The following SMIM10L3 variants were observed in gnomAD, a reference collection of about 807,000 sequenced individuals.
The protein encoded by SMIM10L3 is salivary gland specific protein SAGSIN1.
At chr7:6,343,439 T>C in the SMIM10L3 span, among the ~76,000 whole-genome samples, 1 of 106,038 alleles carries the variant, frequency 9.4e-6, no homozygotes, top group Admixed American at 1.0e-4. Context: ...TATATATATA[T>C]ATATATGATC....
the SMIM10L3 span, chr7:6,348,472 A>C: frequency 2.5e-6 from 1 of 405,432 alleles, no homozygotes; most frequent in Non-Finnish European, 4.4e-6. Flanking sequence ...CTTGACATAC[A>C]CTCAGCTTCT....
chr7:6,347,883 T>TTTTTTATTATTATTATTA, the SMIM10L3 span, among the ~76,000 whole-genome samples: 1 of 131,538 alleles, frequency 7.6e-6, no homozygotes, highest in South Asian at 2.6e-4. Flanking sequence ...ACGAGACCCC[T>TTTTTTATTATTATTATTA]TTATTATTAT....
chr7:6,339,042 C>G, the SMIM10L3 span, among the ~76,000 whole-genome samples: 5 of 152,226 alleles, frequency 3.3e-5, no homozygotes, highest in East Asian at 9.7e-4. Flanking sequence ...GAAACAAACC[C>G]CCGGATTTCC....
the SMIM10L3 span, among the ~76,000 whole-genome samples, chr7:6,338,125 A>G: frequency 6.6e-6 from 1 of 152,184 alleles, no homozygotes; most frequent in Non-Finnish European, 1.5e-5. Context: ...TCAACAGGTT[A>G]TCAAAAACAT....
chr7:6,343,397 C>CAT, the SMIM10L3 span, among the ~76,000 whole-genome samples: 223 of 86,924 alleles, frequency 2.6e-3, 3 homozygotes, highest in Middle Eastern at 7.6e-3. Context: ...ATAATAATTT[C>CAT]ATATATATAT....
At chr7:6,330,728 C>A in the SMIM10L3 span, 1 of 1,614,158 alleles carries the variant, frequency 6.2e-7, no homozygotes, top group Non-Finnish European at 8.5e-7. Context: ...GGGCACTGTC[C>A]TCTGTGGCCG....
chr7:6,344,514 C>A, the SMIM10L3 span, among the ~76,000 whole-genome samples: 1 of 152,062 alleles, frequency 6.6e-6, no homozygotes. Flanking sequence ...CCTCGACCTT[C>A]TGGCCTCAAG....
At chr7:6,335,809 AG>A in the SMIM10L3 span, among the ~76,000 whole-genome samples, 1 of 151,462 alleles carries the variant, frequency 6.6e-6, no homozygotes, top group Non-Finnish European at 1.5e-5. Context: ...CACAGACAGA[AG>A]GATGGCTTGA....
chr7:6,339,444 A>C, the SMIM10L3 span, among the ~76,000 whole-genome samples: 1 of 152,128 alleles, frequency 6.6e-6, no homozygotes, highest in South Asian at 2.1e-4. Flanking sequence ...CTCCATAAAA[A>C]ATAAATCATC....
the SMIM10L3 span, chr7:6,331,010 T>C: frequency 6.2e-7 from 1 of 1,614,170 alleles, no homozygotes; most frequent in Non-Finnish European, 8.5e-7. Context: ...ACCACAGGCT[T>C]ATTCATCCAG....
chr7:6,343,008 G>C, the SMIM10L3 span, among the ~76,000 whole-genome samples: 1 of 150,686 alleles, frequency 6.6e-6, no homozygotes, highest in South Asian at 2.1e-4. Context: ...CTGCACTCCA[G>C]CCTGGATGAC....
the SMIM10L3 span, among the ~76,000 whole-genome samples, chr7:6,340,944 A>G: frequency 1.5e-5 from 2 of 130,872 alleles, no homozygotes; most frequent in Non-Finnish European, 3.1e-5. Context: ...CCTGCCTAAC[A>G]TGGTGAAACC....
At chr7:6,348,057 C>T in the SMIM10L3 span, among the ~76,000 whole-genome samples, 1 of 151,492 alleles carries the variant, frequency 6.6e-6, no homozygotes, top group Admixed American at 6.6e-5. Flanking sequence ...ATTACAGGCA[C>T]GCGCCACCAC....
At chr7:6,348,484 G>A in the SMIM10L3 span, 1 of 409,444 alleles carries the variant, frequency 2.4e-6, no homozygotes, top group Non-Finnish European at 4.3e-6. Flanking sequence ...TCAGCTTCTA[G>A]GCAGTGGCAG....
At chr7:6,333,195 A>C in the SMIM10L3 span, among the ~76,000 whole-genome samples, 3 of 151,880 alleles carry the variant, frequency 2.0e-5, no homozygotes, top group African/African-American at 4.8e-5. Context: ...AAAACAAAAA[A>C]ACACTGGGGA....
At chr7:6,348,593 T>A in the SMIM10L3 span, 1 of 449,848 alleles carries the variant, frequency 2.2e-6, no homozygotes, top group Non-Finnish European at 4.0e-6. Flanking sequence ...ACGTTGAGCA[T>A]CATGGAAGCC....
At chr7:6,330,615 G>T in the SMIM10L3 span, 1 of 1,614,144 alleles carries the variant, frequency 6.2e-7, no homozygotes, top group Non-Finnish European at 8.5e-7. Context: ...CCAACTCAGA[G>T]CCCAGACCCT....
the SMIM10L3 span, among the ~76,000 whole-genome samples, chr7:6,333,521 C>G: frequency 1.3e-5 from 2 of 152,064 alleles, no homozygotes; most frequent in African/African-American, 4.8e-5. Context: ...GTTTTTGAGA[C>G]GAGGTCTCAC....
chr7:6,337,106 GTC>G, the SMIM10L3 span, among the ~76,000 whole-genome samples: 755 of 146,432 alleles, frequency 5.2e-3, 3 homozygotes, highest in South Asian at 0.013. Context: ...GTCTCTCTCT[GTC>G]TCGCCCAGGC....
Sources: allele counts gnomAD v4.1 joint callset (sites outside exome capture counted in the v4.1 genomes callset), GRCh38; gene constraint gnomAD v4.1.1; transcripts MANE v1.5; gene names NCBI Gene and HGNC (gene_info 2026-07-23, HGNC 2026-07-21).